The following NAV2 variants were observed in gnomAD, a reference collection of about 807,000 sequenced individuals.
The protein encoded by NAV2 is helicase, APC down-regulated 1.
NAV2 carries 54 observed loss-of-function variants against 223.2 expected under a neutral mutation model. The ratio of observed to expected loss-of-function variants is 0.24; its 90% CI spans 0.19 to 0.30. NAV2 has a LOEUF of 0.30. NAV2 is among the 10% of genes least tolerant of loss of function. The probability of loss-of-function intolerance (pLI) is 1.00; values close to 1 mark genes in which losing one functional copy is unlikely to be tolerated. For synonymous variants in NAV2, 1,279 were observed against 1,239.3 expected (o/e 1.03, Z -0.67); for missense variants, 2,806 against 3,147.5 (o/e 0.89, Z 2.60).
chr11:19,761,176 G>A (rs1382524701), intron 1 of NAV2, among the ~76,000 whole-genome samples: 1 of 152,122 alleles, frequency 6.6e-6, no homozygotes, highest in Non-Finnish European at 1.5e-5. Context: ...AGAGAGGGCA[G>A]TCTGGAGGCC....
At chr11:19,523,603 C>T (rs1179233305) in intron 1 of NAV2, among the ~76,000 whole-genome samples, 4 of 152,224 alleles carry the variant, frequency 2.6e-5, no homozygotes, top group Non-Finnish European at 5.9e-5. Context: ...GACATTTCTT[C>T]TTCTTCCGAG....
In NAV2 at chr11:19,831,786, G is replaced by T. The variant is rs186021383; in HGVS notation, c.268-698G>T. On this transcript the variant is annotated intron_variant, in intron 1 of 37. Transcript: ENST00000349880. ...TTCTCCTGATTCCATGGGTCAGCCA[G>T]TCTTTGCCTTCTAAAATGCTGCACA... Among the ~76,000 whole-genome samples the T allele has an allele frequency of 9.0e-4, 137 of 152,298 alleles. 1 individual carries two copies. Among genetic ancestry groups the T allele is most frequent in the Non-Finnish European group, 7.4e-4 (50 of 68,026 alleles).
At chr11:19,552,627 G>A (rs1320375880) in intron 1 of NAV2, among the ~76,000 whole-genome samples, 1 of 152,196 alleles carries the variant, frequency 6.6e-6, no homozygotes, top group Non-Finnish European at 1.5e-5. Context: ...GAACCACTCT[G>A]TGACATGAAG....
intron 1 of NAV2, among the ~76,000 whole-genome samples, chr11:19,537,216 T>C (rs2134486549): frequency 6.6e-6 from 1 of 152,242 alleles, no homozygotes; most frequent in South Asian, 2.1e-4. Flanking sequence ...TTTAATTGTA[T>C]AATAATAATA....
chr11:19,714,072 G>A, intron 1 of NAV2, 110 bp downstream of exon 1: 1 of 1,436,762 alleles, frequency 7.0e-7, no homozygotes, highest in Admixed American at 2.1e-5. Flanking sequence ...CATGTGGCCA[G>A]GGAAGGGAAC....
At chr11:19,541,814 G>T (rs2134539646) in intron 1 of NAV2, among the ~76,000 whole-genome samples, 1 of 152,264 alleles carries the variant, frequency 6.6e-6, no homozygotes, top group South Asian at 2.1e-4. Context: ...TCAGCCCTGG[G>T]CCACCTGGTG....
chr11:20,094,630 C>T (rs2061113684), intron 29 of NAV2, among the ~76,000 whole-genome samples: 1 of 152,162 alleles, frequency 6.6e-6, no homozygotes, highest in African/African-American at 2.4e-5. Flanking sequence ...CAAAAGTTTA[C>T]AAGTCACCTT....
At chr11:19,601,179 C>T (rs2046341186) in intron 1 of NAV2, among the ~76,000 whole-genome samples, 1 of 152,222 alleles carries the variant, frequency 6.6e-6, no homozygotes, top group South Asian at 2.1e-4. Flanking sequence ...TGATCCCTTC[C>T]TTCAGAGCTC....
chr11:19,564,653 C>CGAG (rs1431977935), intron 1 of NAV2, among the ~76,000 whole-genome samples: 2 of 127,468 alleles, frequency 1.6e-5, no homozygotes, highest in African/African-American at 9.5e-5. Context: ...GACCTGCCCT[C>CGAG]TAGTTCCCTT....
intron 36 of NAV2, among the ~76,000 whole-genome samples, chr11:20,110,338 G>A (rs758130804): frequency 3.3e-5 from 5 of 152,022 alleles, no homozygotes; most frequent in Non-Finnish European, 7.3e-5. Flanking sequence ...TATAGACTGC[G>A]GATTCCTGCG....
At chr11:19,635,846 C>A (rs1283447367) in intron 1 of NAV2, among the ~76,000 whole-genome samples, 1 of 152,170 alleles carries the variant, frequency 6.6e-6, no homozygotes, top group Non-Finnish European at 1.5e-5. Flanking sequence ...TTGGTGGGGA[C>A]AAACCACATC....
intron 1 of NAV2, among the ~76,000 whole-genome samples, chr11:19,427,596 AGTTGTT>A (rs1171775963): frequency 1.3e-5 from 2 of 152,108 alleles, no homozygotes; most frequent in East Asian, 1.9e-4. Context: ...TGGCACAAAT[AGTTGTT>A]GTTGTTGTTT....
intron 1 of NAV2, among the ~76,000 whole-genome samples, chr11:19,747,379 G>C (rs1294969837): frequency 1.3e-5 from 2 of 152,058 alleles, no homozygotes; most frequent in East Asian, 3.9e-4. Context: ...ACACTATTAG[G>C]AGGAGTAGGA....
intron 1 of NAV2, among the ~76,000 whole-genome samples, chr11:19,379,133 G>A (rs967072381): frequency 3.3e-5 from 5 of 152,134 alleles, no homozygotes; most frequent in African/African-American, 1.2e-4. Context: ...GACTTTTGTG[G>A]GCCAGTGAAG....
At chr11:19,748,202 A>G (rs2053533830) in intron 1 of NAV2, among the ~76,000 whole-genome samples, 1 of 152,168 alleles carries the variant, frequency 6.6e-6, no homozygotes. Context: ...GCCCTTATAG[A>G]TGCCTGCATG....
At chr11:19,625,603 T>G (rs752365327) in intron 1 of NAV2, among the ~76,000 whole-genome samples, 6 of 152,202 alleles carry the variant, frequency 3.9e-5, no homozygotes, top group Non-Finnish European at 7.3e-5. Flanking sequence ...GGTTGTTCTA[T>G]TTGTAGTTTT....
chr11:19,599,170 T>C (rs2135223948), intron 1 of NAV2, among the ~76,000 whole-genome samples: 1 of 152,312 alleles, frequency 6.6e-6, no homozygotes, highest in East Asian at 1.9e-4. Context: ...CTTTCTCTCT[T>C]TCCTCATGCC....
At chr11:19,552,801 G>C (rs2044732291) in intron 1 of NAV2, among the ~76,000 whole-genome samples, 1 of 151,764 alleles carries the variant, frequency 6.6e-6, no homozygotes, top group African/African-American at 2.4e-5. Flanking sequence ...TCTCCGAGGG[G>C]CTGTTTCCTG....
intron 10 of NAV2, among the ~76,000 whole-genome samples, chr11:19,954,462 A>G (rs925110536): frequency 4.6e-5 from 7 of 152,180 alleles, no homozygotes; most frequent in Non-Finnish European, 1.0e-4. Flanking sequence ...CCCCCAGAAA[A>G]TACCAAAATC....
Sources: gnomAD v4.1 joint callset for allele counts (sites outside exome capture counted in the v4.1 genomes callset) on GRCh38, gnomAD v4.1.1 for gene constraint, MANE v1.5 for transcripts, NCBI Gene and HGNC (gene_info 2026-07-23, HGNC 2026-07-21) for gene names.